The following CHCHD3 variants were observed in gnomAD, a reference collection of about 807,000 sequenced individuals.
CHCHD3 encodes the protein MICOS complex subunit MIC19.
A neutral mutation model predicts 38.2 loss-of-function variants in CHCHD3; 20 were observed. That is an observed-to-expected ratio of 0.52 (90% CI 0.37 to 0.76). The LOEUF (loss-of-function observed/expected upper bound fraction) is 0.76. Ranked by LOEUF, CHCHD3 falls within the 30% of genes least tolerant of loss-of-function variation. CHCHD3 has a pLI of 0.00. For missense variants in CHCHD3, 245 were observed against 279.2 expected, an observed-to-expected ratio of 0.88 and a Z score of 0.87; for synonymous variants, 82 against 100.0, an observed-to-expected ratio of 0.82 and a Z score of 1.07.
chr7:133,053,094 A>G (rs1348876623), intron 2 of CHCHD3, among the ~76,000 whole-genome samples: 1 of 152,168 alleles, frequency 6.6e-6, no homozygotes, highest in Admixed American at 6.5e-5. Flanking sequence ...CATTTTCTCT[A>G]TATTTTTCTC....
chr7:132,819,244 CT>C (rs1359002603), intron 6 of CHCHD3, among the ~76,000 whole-genome samples: 3 of 152,130 alleles, frequency 2.0e-5, no homozygotes, highest in Admixed American at 1.3e-4. Flanking sequence ...GTCTATAATT[CT>C]TAGTTTTTAG....
At chr7:132,879,750 T>C (rs1001827596) in intron 5 of CHCHD3, among the ~76,000 whole-genome samples, 2 of 130,460 alleles carry the variant, frequency 1.5e-5, no homozygotes, top group Non-Finnish European at 3.3e-5. Context: ...AAAAAAAGGT[T>C]TGCTTTCTTT....
At chr7:132,870,988 T>A (rs1320344877) in intron 5 of CHCHD3, among the ~76,000 whole-genome samples, 1 of 152,210 alleles carries the variant, frequency 6.6e-6, no homozygotes, top group Non-Finnish European at 1.5e-5. Context: ...CAGGTTGTTG[T>A]ATCAATATTA....
chr7:132,821,331 T>G (rs1369204320), intron 6 of CHCHD3, among the ~76,000 whole-genome samples: 1 of 152,150 alleles, frequency 6.6e-6, no homozygotes, highest in Non-Finnish European at 1.5e-5. Flanking sequence ...AATCTAAGAC[T>G]GTGGGGTTTG....
At chr7:132,861,756 T>G (rs971315220) in intron 5 of CHCHD3, among the ~76,000 whole-genome samples, 2 of 152,234 alleles carry the variant, frequency 1.3e-5, no homozygotes, top group African/African-American at 2.4e-5. Flanking sequence ...AAACTATTTA[T>G]GGACACTAAA....
chr7:132,896,664 C>T (rs768374016), intron 4 of CHCHD3, among the ~76,000 whole-genome samples: 8 of 152,198 alleles, frequency 5.3e-5, no homozygotes, highest in Admixed American at 1.3e-4. Context: ...GTCTTATCTT[C>T]TCTAATGACA....
intron 4 of CHCHD3, among the ~76,000 whole-genome samples, chr7:132,894,062 T>C (rs750704619): frequency 2.0e-5 from 3 of 152,184 alleles, no homozygotes; most frequent in Non-Finnish European, 2.9e-5. Context: ...CAGGAGGTTG[T>C]TGGAGTACAC....
chr7:133,069,865 A>G (rs1037687888), intron 2 of CHCHD3, among the ~76,000 whole-genome samples: 1 of 152,244 alleles, frequency 6.6e-6, no homozygotes, highest in Non-Finnish European at 1.5e-5. Flanking sequence ...TAAGCAATCC[A>G]TTTTACACAA....
At chr7:132,830,687 T>C (rs1233153886) in intron 6 of CHCHD3, 1 of 152,226 alleles carries the variant, frequency 6.6e-6, no homozygotes, top group Non-Finnish European at 1.5e-5. Flanking sequence ...CTTTCTTCAA[T>C]TTCAGAAATG....
At chr7:132,930,866 T>A (rs1810496574) in intron 4 of CHCHD3, among the ~76,000 whole-genome samples, 1 of 152,178 alleles carries the variant, frequency 6.6e-6, no homozygotes. Context: ...CACTTACTCT[T>A]CTAAGAAATT....
intron 6 of CHCHD3, among the ~76,000 whole-genome samples, chr7:132,836,389 G>C (rs1012184408): frequency 6.6e-6 from 1 of 152,084 alleles, no homozygotes; most frequent in African/African-American, 2.4e-5. Flanking sequence ...CAAAGTGCTG[G>C]GATTACAGGT....
intron 2 of CHCHD3, among the ~76,000 whole-genome samples, chr7:133,056,998 C>T (rs2117512035): frequency 6.6e-6 from 1 of 152,284 alleles, no homozygotes; most frequent in South Asian, 2.1e-4. Flanking sequence ...TTTCCATTTC[C>T]CATGTGAAGA....
At chr7:132,898,220 G>T (rs1454085779) in intron 4 of CHCHD3, among the ~76,000 whole-genome samples, 3 of 152,278 alleles carry the variant, frequency 2.0e-5, no homozygotes, top group African/African-American at 4.8e-5. Flanking sequence ...TGTGGAAAGG[G>T]ACCCGAGCGG....
chr7:132,868,261 T>C (rs1219662081), intron 5 of CHCHD3, among the ~76,000 whole-genome samples: 1 of 152,156 alleles, frequency 6.6e-6, no homozygotes, highest in Non-Finnish European at 1.5e-5. Context: ...AACATAAAAA[T>C]AAATTTAAAT....
chr7:132,865,418 TG>T (rs970033544), intron 5 of CHCHD3, among the ~76,000 whole-genome samples: 1 of 152,114 alleles, frequency 6.6e-6, no homozygotes, highest in Non-Finnish European at 1.5e-5. Flanking sequence ...CCACAAAAAC[TG>T]GGGACTCAGT....
chr7:133,030,388 TA>T (rs1813467566), intron 2 of CHCHD3, among the ~76,000 whole-genome samples: 1 of 152,148 alleles, frequency 6.6e-6, no homozygotes, highest in South Asian at 2.1e-4. Context: ...TTTTCTCAAA[TA>T]AAACTGTTAT....
At chr7:132,896,159 T>C (rs764587490) in intron 4 of CHCHD3, among the ~76,000 whole-genome samples, 2 of 152,230 alleles carry the variant, frequency 1.3e-5, no homozygotes, top group Non-Finnish European at 1.5e-5. Context: ...TGTAATGTAA[T>C]GAAATCATTC....
At chr7:133,046,769 T>C (rs1814000602) in intron 2 of CHCHD3, among the ~76,000 whole-genome samples, 1 of 152,176 alleles carries the variant, frequency 6.6e-6, no homozygotes, top group Non-Finnish European at 1.5e-5. Flanking sequence ...TTCACCGTGT[T>C]AGCCAGGATG....
chr7:133,061,196 C>T (rs1474399541), intron 2 of CHCHD3, among the ~76,000 whole-genome samples: 1 of 152,018 alleles, frequency 6.6e-6, no homozygotes, highest in Non-Finnish European at 1.5e-5. Context: ...TGATTAGTTT[C>T]ATGCTTTGGA....
Sources: gnomAD v4.1 joint callset for allele counts (sites outside exome capture counted in the v4.1 genomes callset) on GRCh38, gnomAD v4.1.1 for gene constraint, MANE v1.5 for transcripts, NCBI Gene and HGNC (gene_info 2026-07-23, HGNC 2026-07-21) for gene names.